RNF186: variants seen among roughly 807,000 people sequenced by gnomAD.
RNF186 encodes ring finger protein 186, also known as E3 ubiquitin-protein ligase RNF186.
For missense variants in RNF186, 298 were observed against 298.5 expected (o/e 1.00, Z 0.01); for synonymous variants, 152 against 133.5 (o/e 1.14, Z -0.96).
Position 19,814,476 on chromosome 1 carries a change from G to A in RNF186, c.626C>T (p.Ser209Phe), listed in dbSNP as rs1179593738. 3.1e-6 allele frequency: 5 copies of A among 1,614,096 alleles called. No individual in the cohort carries two copies. Among genetic ancestry groups the A allele is most frequent in the African/African-American group, 1.3e-5 (1 of 74,942 alleles). The change falls in exon 1 of 1, where the codon TCC becomes TTC. Residue 209 changes from serine (S) to phenylalanine (F), a missense_variant. Ser to Phe is a radical substitution (Grantham distance 155). Coordinates refer to ENST00000375121, the MANE Select transcript of RNF186 (RefSeq NM_019062.2). The surrounding 1 kb of genome is among the most constrained non-coding windows in gnomAD (Gnocchi z 4.7). ...CTCTCTGCAGAAGAGAGTCCTGGAGGAGGGCCAGCAGCTGCCCCGGGTGCT... is the reference window on the plus strand; with the variant it reads ...CTCTCTGCAGAAGAGAGTCCTGGAGAAGGGCCAGCAGCTGCCCCGGGTGCT... The part of the protein sequence containing the change: ...LPSTRGSCWP[S>F]SRTLFCREQK...
Position 19,814,191 on chromosome 1 carries a change from C to G in RNF186, c.*227G>C, listed in dbSNP as rs1222939044. The G allele has an allele frequency of 9.5e-6, 5 of 524,964 alleles. No individual in the cohort carries two copies. Among genetic ancestry groups the G allele is most frequent in the Admixed American group, 3.3e-5 (1 of 30,586 alleles). 32.5% of individuals were successfully genotyped at this position (524,964 alleles called of 1,614,324 possible). On this transcript the variant is annotated 3_prime_UTR_variant, in exon 1 of 1. Transcript: ENST00000375121. This position sits in a 1 kb window ranked among gnomAD's most constrained non-coding sequence, Gnocchi z 4.7. Reference sequence around the variant, plus strand: ...AAGTAGTTTGTGTCTGCTCCCCTAGCCACCAACAGTTTTAGCTATGCTATC... The same window carrying G: ...AAGTAGTTTGTGTCTGCTCCCCTAGGCACCAACAGTTTTAGCTATGCTATC...
Position 19,815,208 on chromosome 1 carries a change from C to T in RNF186, c.-107G>A. The T allele has an allele frequency of 4.1e-6, 4 of 968,764 alleles. No homozygotes were observed. The highest frequency in any genetic ancestry group is 6.2e-6 in the Non-Finnish European group (4 of 646,264). 60.0% of individuals were successfully genotyped at this position (968,764 alleles called of 1,614,324 possible). A position where few individuals can be genotyped will look rare whatever the true frequency, so the allele number is the denominator to read the frequency against. On this transcript the variant is annotated 5_prime_UTR_variant, in exon 1 of 1. In the 5' UTR this introduces an upstream ATG that the reference lacks. Transcript: ENST00000375121. ...GGATGGAATCTGCCCCTCCTTTTCA[C>T]TCTGGCCAGGTGCCTGTTGACAACA...
Position 19,814,838 on chromosome 1 carries a change from G to T in RNF186, c.264C>A (p.Val88=). Residue 88 remains valine (V), a synonymous_variant, in exon 1 of 1, where the codon GTC becomes GTA. Transcript: ENST00000375121. This position sits in a 1 kb window ranked among gnomAD's most constrained non-coding sequence, Gnocchi z 4.7. The part of the protein sequence containing the change: ...WSITCPLCRK[V]TAVPGGLICS... ...AGATGAGGCCCCCGGGGACGGCGGT[G>T]ACCTTGCGGCACAGCGGGCAGGTGA... is the stretch of plus-strand genomic sequence containing the variant. The T allele has an allele frequency of 1.2e-6, 2 of 1,613,848 alleles. No individual in the cohort carries two copies. The highest frequency in any genetic ancestry group is 1.7e-6 in the Non-Finnish European group (2 of 1,179,996).
Position 19,814,667 on chromosome 1 carries a change from T to C in RNF186, c.435A>G (p.Val145=), listed in dbSNP as rs1318867947. The change falls in exon 1 of 1, where the codon GTA becomes GTG. Residue 145 remains valine (V), a synonymous_variant. Transcript: ENST00000375121. The surrounding 1 kb of genome is among the most constrained non-coding windows in gnomAD (Gnocchi z 4.7). ...SLVGEDGQDE[V]SANHVAARRL... ...GCCGGGCTGCCACGTGGTTTGCACT[T>C]ACTTCATCCTGTCCATCCTCTCCCA... 2 of 1,614,060 alleles carry C rather than the reference T, an allele frequency of 1.2e-6. No individual in the cohort carries two copies. The highest frequency in any genetic ancestry group is 1.7e-6 in the Non-Finnish European group (2 of 1,180,028).
rs201619747 is a variant in RNF186, at chr1:19,814,289, G to T, written c.*129C>A. The T allele has an allele frequency of 3.9e-5, 34 of 865,392 alleles. No homozygotes were observed. Among genetic ancestry groups the T allele is most frequent in the African/African-American group, 1.7e-5 (1 of 58,674 alleles). The allele number at this position is 865,392 out of a possible 1,614,324, so 53.6% of individuals were successfully genotyped here. A position where few individuals can be genotyped will look rare whatever the true frequency, so the allele number is the denominator to read the frequency against. On this transcript the variant is annotated 3_prime_UTR_variant, in exon 1 of 1. Coordinates refer to ENST00000375121, the MANE Select transcript of RNF186 (RefSeq NM_019062.2). The surrounding 1 kb of genome is among the most constrained non-coding windows in gnomAD (Gnocchi z 4.7). Reference sequence around the variant, plus strand: ...AGGCTGGCCATCTCGGTTGTGGCTTGCAAGTCCCGCTGGCATGTGATTTCC... The same window carrying T: ...AGGCTGGCCATCTCGGTTGTGGCTTTCAAGTCCCGCTGGCATGTGATTTCC...
chr1:19,814,980 A>G lies in RNF186; in HGVS notation c.122T>C (p.Leu41Pro). ...ACAGCTGTAGGGCTCCCGGCACACC[A>G]GACACTCCAGGTCACATTCTGTGGA... ...SGSTECDLEC[L>P]VCREPYSCPR... The change falls in exon 1 of 1, where the codon CTG (leucine) becomes CCG (proline). Residue 41 changes from leucine (L) to proline (P), a missense_variant. Physicochemically the swap from Leu to Pro is moderately conservative, Grantham distance 98. Transcript: ENST00000375121. The surrounding 1 kb of genome is among the most constrained non-coding windows in gnomAD (Gnocchi z 4.7). The G allele has an allele frequency of 6.2e-7, 1 of 1,614,024 alleles. No individual in the cohort carries two copies. The highest frequency in any genetic ancestry group is 8.5e-7 in the Non-Finnish European group (1 of 1,180,034).
At position 19,814,892 on chromosome 1, in the gene RNF186, C is replaced by G. The variant is rs368683659; in HGVS notation, c.210G>C (p.Leu70=). The G allele has an allele frequency of 2.5e-6, 4 of 1,613,804 alleles. No individual in the cohort carries two copies. In the African/African-American group the frequency reaches 5.3e-5, roughly 22 times the overall value. Residue 70 remains leucine (L), a synonymous_variant, in exon 1 of 1, where the codon CTG becomes CTC. Coordinates refer to ENST00000375121, the MANE Select transcript of RNF186 (RefSeq NM_019062.2). The surrounding 1 kb of genome is among the most constrained non-coding windows in gnomAD (Gnocchi z 4.7). ...HAFCAICLKL[L]LCVQDNTWSI... is the part of the protein sequence containing the mutation. ...ACCAGGTGTTGTCCTGCACGCACAG[C>G]AGGAGCTTCAGGCAGATGGCGCAGA... is the stretch of plus-strand genomic sequence containing the variant.
chr1:19,814,834 C>T lies in RNF186; in HGVS notation c.268G>A (p.Ala90Thr), dbSNP rs768289183. 1.9e-5 allele frequency: 31 copies of T among 1,613,704 alleles called. No homozygotes were observed. Among genetic ancestry groups the T allele is most frequent in the Non-Finnish European group, 2.5e-5 (29 of 1,179,990 alleles). ...CTGCAGATGAGGCCCCCGGGGACGG[C>T]GGTGACCTTGCGGCACAGCGGGCAG... ...ITCPLCRKVT[A>T]VPGGLICSLR... The change falls in exon 1 of 1, where the codon GCC becomes ACC. Residue 90 changes from alanine to threonine, a missense_variant. Physicochemically the swap from Ala to Thr is moderately conservative, Grantham distance 58. Transcript: ENST00000375121. The surrounding 1 kb of genome is among the most constrained non-coding windows in gnomAD (Gnocchi z 4.7).
At position 19,815,178 on chromosome 1, in the gene RNF186, G is replaced by T; in HGVS notation, c.-77C>A. 7.7e-7 allele frequency: 1 copy of T among 1,306,858 alleles called. No homozygotes were observed. The highest frequency in any genetic ancestry group is 2.0e-5 in the Admixed American group (1 of 50,118). The allele number at this position is 1,306,858 out of a possible 1,614,324, so 81.0% of individuals were successfully genotyped here. A position where few individuals can be genotyped will look rare whatever the true frequency, so the allele number is the denominator to read the frequency against. On this transcript the variant is annotated 5_prime_UTR_variant, in exon 1 of 1. Coordinates refer to ENST00000375121, the MANE Select transcript of RNF186 (RefSeq NM_019062.2). ...AGAGAGTGTCAGCTGGCGCCGCTGG[G>T]ACTTGGATGGAATCTGCCCCTCCTT...
chr1:19,814,331 A>G lies in RNF186; in HGVS notation c.*87T>C, dbSNP rs2044696313. ...GTGATTTCCCAAAGGAGCCAGTCTT[A>G]GTCCGTAACCCCTTACCCTGTTCAT... On this transcript the variant is annotated 3_prime_UTR_variant, in exon 1 of 1. Transcript: ENST00000375121. The surrounding 1 kb of genome is among the most constrained non-coding windows in gnomAD (Gnocchi z 4.7). 1 of 1,246,862 alleles carries G rather than the reference A, an allele frequency of 8.0e-7. No individual in the cohort carries two copies. 77.2% of individuals were successfully genotyped at this position (1,246,862 alleles called of 1,614,324 possible).
At position 19,815,152 on chromosome 1, in the gene RNF186, CAG is replaced by C. The variant is rs771342041; in HGVS notation, c.-53_-52del. On this transcript the variant is annotated 5_prime_UTR_variant, in exon 1 of 1. Coordinates refer to ENST00000375121, the MANE Select transcript of RNF186 (RefSeq NM_019062.2). ...CTGTCGCTCAGCACCTGGGCATTGG[CAG>C]AGAGTGTCAGCTGGCGCCGCTGGGA... 3 of 1,520,986 alleles carry C rather than the reference CAG, an allele frequency of 2.0e-6. No individual in the cohort carries two copies. Among genetic ancestry groups the C allele is most frequent in the East Asian group, 2.3e-5 (1 of 44,040 alleles). The allele number at this position is 1,520,986 out of a possible 1,614,324, so 94.2% of individuals were successfully genotyped here. A position where few individuals can be genotyped will look rare whatever the true frequency, so the allele number is the denominator to read the frequency against.
Position 19,814,566 on chromosome 1 carries a change from C to T in RNF186, c.536G>A (p.Arg179Gln), listed in dbSNP as rs202025693. The T allele has an allele frequency of 3.6e-5, 58 of 1,614,146 alleles. 1 individual carries two copies. In the East Asian group the frequency reaches 4.2e-4, roughly 12 times the overall value. The change falls in exon 1 of 1, where the codon CGA (arginine) becomes CAA (glutamine). Residue 179 changes from arginine to glutamine, a missense_variant. Arg to Gln is a conservative substitution (Grantham distance 43). Transcript: ENST00000375121. This position sits in a 1 kb window ranked among gnomAD's most constrained non-coding sequence, Gnocchi z 4.7. ...IGPFIYPGVL[R>Q]WVLTFIIALA... ...GGCGATGATGAAGGTGAGCACCCATCGTAAGACACCCGGGTAGATGAAGGG... is the reference window on the plus strand; with the variant it reads ...GGCGATGATGAAGGTGAGCACCCATTGTAAGACACCCGGGTAGATGAAGGG...
At position 19,814,479 on chromosome 1, in the gene RNF186, G is replaced by A. The variant is rs768411990; in HGVS notation, c.623C>T (p.Pro208Leu). Residue 208 changes from proline (P) to leucine (L), a missense_variant, in exon 1 of 1, where the codon CCC becomes CTC. By Grantham distance (98) the Pro-to-Leu change is moderately conservative. Coordinates refer to ENST00000375121, the MANE Select transcript of RNF186 (RefSeq NM_019062.2). This position sits in a 1 kb window ranked among gnomAD's most constrained non-coding sequence, Gnocchi z 4.7. ...CLPSTRGSCW[P>L]SSRTLFCREQ... ...TCTGCAGAAGAGAGTCCTGGAGGAG[G>A]GCCAGCAGCTGCCCCGGGTGCTGGG... The A allele has an allele frequency of 3.7e-6, 6 of 1,614,184 alleles. No homozygotes were observed. Among genetic ancestry groups the A allele is most frequent in the African/African-American group, 1.3e-5 (1 of 75,058 alleles).
chr1:19,815,231 A>G lies in RNF186; in HGVS notation c.-130T>C. ...CACTCTGGCCAGGTGCCTGTTGACA[A>G]CAGCTGTCTGACACTCCTCTCTCCC... On this transcript the variant is annotated 5_prime_UTR_variant, in exon 1 of 1. Coordinates refer to ENST00000375121, the MANE Select transcript of RNF186 (RefSeq NM_019062.2). 1 of 740,366 alleles carries G rather than the reference A, an allele frequency of 1.4e-6. No homozygotes were observed. Among genetic ancestry groups the G allele is most frequent in the Non-Finnish European group, 2.2e-6 (1 of 447,470 alleles). The allele number at this position is 740,366 out of a possible 1,614,324, so 45.9% of individuals were successfully genotyped here. A position where few individuals can be genotyped will look rare whatever the true frequency, so the allele number is the denominator to read the frequency against.
At position 19,814,299 on chromosome 1, in the gene RNF186, C is replaced by T. The variant is rs143254509; in HGVS notation, c.*119G>A. 3,637 of 953,506 alleles carry T rather than the reference C, an allele frequency of 3.8e-3. 11 individuals are homozygous for T. The highest frequency in any genetic ancestry group is 5.1e-3 in the Non-Finnish European group (3,290 of 648,156). The allele number at this position is 953,506 out of a possible 1,614,324, so 59.1% of individuals were successfully genotyped here. On this transcript the variant is annotated 3_prime_UTR_variant, in exon 1 of 1. Transcript: ENST00000375121. The surrounding 1 kb of genome is among the most constrained non-coding windows in gnomAD (Gnocchi z 4.7). Reference sequence around the variant, plus strand: ...TCTCGGTTGTGGCTTGCAAGTCCCGCTGGCATGTGATTTCCCAAAGGAGCC... The same window carrying T: ...TCTCGGTTGTGGCTTGCAAGTCCCGTTGGCATGTGATTTCCCAAAGGAGCC...
In RNF186 at chr1:19,814,919, G is replaced by A; in HGVS notation, c.183C>T (p.Ala61=). 3 of 1,613,962 alleles carry A rather than the reference G, an allele frequency of 1.9e-6. No homozygotes were observed. Among genetic ancestry groups the A allele is most frequent in the Non-Finnish European group, 2.5e-6 (3 of 1,180,028 alleles). ...GGAGCTTCAGGCAGATGGCGCAGAA[G>A]GCATGCTGGCAGGCCAGCAGCTTGG... ...RLPKLLACQH[A]FCAICLKLLL... is the part of the protein sequence containing the mutation. Residue 61 remains alanine (A), a synonymous_variant, in exon 1 of 1, where the codon GCC becomes GCT. Transcript: ENST00000375121. This position sits in a 1 kb window ranked among gnomAD's most constrained non-coding sequence, Gnocchi z 4.7.
At position 19,814,969 on chromosome 1, in the gene RNF186, C is replaced by T. The variant is rs142010502; in HGVS notation, c.133G>A (p.Glu45Lys). The T allele has an allele frequency of 6.6e-5, 106 of 1,613,860 alleles. No homozygotes were observed. Among genetic ancestry groups the T allele is most frequent in the Non-Finnish European group, 8.9e-5 (105 of 1,180,044 alleles). Residue 45 changes from glutamate (E) to lysine (K), a missense_variant, in exon 1 of 1, where the codon GAG (glutamate) becomes AAG (lysine). Glu to Lys is a moderately conservative substitution (Grantham distance 56). Coordinates refer to ENST00000375121, the MANE Select transcript of RNF186 (RefSeq NM_019062.2). This position sits in a 1 kb window ranked among gnomAD's most constrained non-coding sequence, Gnocchi z 4.7. The stretch of plus-strand genomic sequence containing the variant: ...GGCAACCGGGGACAGCTGTAGGGCT[C>T]CCGGCACACCAGACACTCCAGGTCA... The part of the protein sequence containing the change: ...ECDLECLVCR[E>K]PYSCPRLPKL...
Position 19,815,043 on chromosome 1 carries a change from G to A in RNF186, c.59C>T (p.Thr20Ile). The A allele has an allele frequency of 6.2e-7, 1 of 1,614,078 alleles. No individual in the cohort carries two copies. Among genetic ancestry groups the A allele is most frequent in the Admixed American group, 1.7e-5 (1 of 60,034 alleles). ...SQPISAGATT[T>I]TTAVAPAGGH... ...CCCAGCAGGGGCCACAGCGGTGGTG[G>A]TTGTGGTGGCTCCTGCGGAGATGGG... is the stretch of plus-strand genomic sequence containing the variant. The change falls in exon 1 of 1, where the codon ACC (threonine) becomes ATC (isoleucine). Residue 20 changes from threonine to isoleucine, a missense_variant. Thr to Ile is a moderately conservative substitution (Grantham distance 89, BLOSUM62 -1). Coordinates refer to ENST00000375121, the MANE Select transcript of RNF186 (RefSeq NM_019062.2).
chr1:19,815,155 A>T lies in RNF186; in HGVS notation c.-54T>A. Reference sequence around the variant, plus strand: ...TCGCTCAGCACCTGGGCATTGGCAGAGAGTGTCAGCTGGCGCCGCTGGGAC... The same window carrying T: ...TCGCTCAGCACCTGGGCATTGGCAGTGAGTGTCAGCTGGCGCCGCTGGGAC... On this transcript the variant is annotated 5_prime_UTR_variant, in exon 1 of 1. Coordinates refer to ENST00000375121, the MANE Select transcript of RNF186 (RefSeq NM_019062.2). 2 of 1,525,098 alleles carry T rather than the reference A, an allele frequency of 1.3e-6. No individual in the cohort carries two copies. Among genetic ancestry groups the T allele is most frequent in the Non-Finnish European group, 1.8e-6 (2 of 1,114,234 alleles). 94.5% of individuals were successfully genotyped at this position (1,525,098 alleles called of 1,614,324 possible).
Sources: allele counts gnomAD v4.1 joint callset, GRCh38; gene constraint gnomAD v4.1.1; non-coding constraint Gnocchi (gnomAD v3.1); transcripts MANE v1.5; gene names NCBI Gene and HGNC (gene_info 2026-07-23, HGNC 2026-07-21).